Variants in DNAH6 observed in about 807,000 individuals in gnomAD.
DNAH6 encodes the protein axonemal beta dynein heavy chain 6.
In DNAH6, 340 loss-of-function variants were observed where a neutral mutation model predicts 491.4. That is an observed-to-expected ratio of 0.69 (90% CI 0.63 to 0.76). DNAH6 has a LOEUF of 0.76. DNAH6 is among the 30% of genes least tolerant of loss of function. The probability of loss-of-function intolerance (pLI) is 0.00; values close to 1 mark genes in which losing one functional copy is unlikely to be tolerated. For missense variants in DNAH6, 4,443 were observed against 4,972.2 expected (o/e 0.89, Z 3.20); for synonymous variants, 1,603 against 1,686.1 (o/e 0.95, Z 1.21).
the DNAH6 span, among the ~76,000 whole-genome samples, chr2:84,506,174 A>G: frequency 3.9e-5 from 6 of 152,208 alleles, no homozygotes. Context: ...CAGTCCCACC[A>G]ACAGTGTAAA....
chr2:84,653,290 C>A (rs1690633248), intron 33 of DNAH6, 29 bp from the exon 34 acceptor site: 4 of 1,449,192 alleles, frequency 2.8e-6, no homozygotes, highest in South Asian at 2.9e-5. Context: ...ACCAGTTGTT[C>A]CTAATTGATT....
chr2:84,567,787 A>C (rs916938843), intron 11 of DNAH6, among the ~76,000 whole-genome samples: 1 of 152,194 alleles, frequency 6.6e-6, no homozygotes, highest in African/African-American at 2.4e-5. Context: ...AAAAGCAAAA[A>C]TTGACAAATG....
At chr2:84,492,090 A>G in the DNAH6 span, among the ~76,000 whole-genome samples, 2 of 152,238 alleles carry the variant, frequency 1.3e-5, no homozygotes, top group Non-Finnish European at 2.9e-5. Flanking sequence ...TAATTTTAAA[A>G]TAGACCCCAT....
intron 49 of DNAH6, among the ~76,000 whole-genome samples, chr2:84,702,151 G>A (rs752063484): frequency 2.0e-5 from 3 of 152,166 alleles, no homozygotes; most frequent in Admixed American, 6.5e-5. Flanking sequence ...GCAAGGACTG[G>A]GGTATCAGCC....
At chr2:84,474,793 C>T in the DNAH6 span, among the ~76,000 whole-genome samples, 714 of 152,292 alleles carry the variant, frequency 4.7e-3, 12 homozygotes, top group East Asian at 0.066. Context: ...GGCCAATGCT[C>T]GGGCCATTGG....
At chr2:84,726,743 T>A (rs1698673206) in intron 60 of DNAH6, among the ~76,000 whole-genome samples, 1 of 151,952 alleles carries the variant, frequency 6.6e-6, no homozygotes, top group African/African-American at 2.4e-5. Flanking sequence ...CTGCACATTG[T>A]GCACATGTAC....
At chr2:84,784,312 G>A (rs1006938746) in intron 65 of DNAH6, among the ~76,000 whole-genome samples, 2 of 152,018 alleles carry the variant, frequency 1.3e-5, no homozygotes, top group African/African-American at 4.8e-5. Flanking sequence ...TCTCAGTAGG[G>A]GTTTTTGGCC....
chr2:84,705,763 T>C lies in DNAH6; in HGVS notation c.8727+16T>C, dbSNP rs1696368366. 3 of 1,532,784 alleles carry C rather than the reference T, an allele frequency of 2.0e-6. No individual in the cohort carries two copies. The highest frequency in any genetic ancestry group is 1.4e-5 in the African/African-American group (1 of 71,606). The allele number at this position is 1,532,784 out of a possible 1,614,324, so 94.9% of individuals were successfully genotyped here. A position where few individuals can be genotyped will look rare whatever the true frequency, so the allele number is the denominator to read the frequency against. On this transcript the variant is annotated intron_variant, in intron 52 of 76. Transcript: ENST00000389394. ...CGCCGCACAGGTACATTTTCTGTATTGTGATATTTTATAGAATTGAAGGCC... is the reference window on the plus strand; with the variant it reads ...CGCCGCACAGGTACATTTTCTGTATCGTGATATTTTATAGAATTGAAGGCC...
chr2:84,732,807 A>G (rs150037526), intron 61 of DNAH6, among the ~76,000 whole-genome samples: 89 of 152,368 alleles, frequency 5.8e-4, no homozygotes, highest in African/African-American at 2.0e-3. Context: ...GCTTTTAATT[A>G]TAGTAAGGAA....
chr2:84,770,439 T>G (rs1010056318), intron 64 of DNAH6, among the ~76,000 whole-genome samples: 1 of 152,002 alleles, frequency 6.6e-6, no homozygotes, highest in Non-Finnish European at 1.5e-5. Context: ...CTCATACAGT[T>G]AAAGGAAACA....
intron 2 of DNAH6, among the ~76,000 whole-genome samples, chr2:84,522,457 C>T (rs1445553150): frequency 6.6e-6 from 1 of 152,044 alleles, no homozygotes; most frequent in Admixed American, 6.5e-5. Flanking sequence ...TATTTTGATG[C>T]CCCTTATTTC....
intron 11 of DNAH6, among the ~76,000 whole-genome samples, chr2:84,570,121 G>GCCTT (rs1681624162): frequency 1.3e-5 from 2 of 151,812 alleles, no homozygotes; most frequent in South Asian, 4.2e-4. Context: ...CAAGGGGTGG[G>GCCTT]GTAGGATAGT....
rs1183852281 is a variant in DNAH6 at position 84,727,697 on chromosome 2, T to C, written c.10001T>C (p.Val3334Ala). ...TTCAATACCACCATTGAAACTTCTG[T>C]AAAGACAGAAAATCTACAACAGCGC... ...QLFNTTIETSVKTENLQQRLD... is the reference protein window; with the variant it reads ...QLFNTTIETSAKTENLQQRLD... The change falls in exon 61 of 77, where the codon GTA becomes GCA. Residue 3334 changes from valine to alanine, a missense_variant. Physicochemically the swap from Val to Ala is moderately conservative, Grantham distance 64 (BLOSUM62 0). Coordinates refer to ENST00000389394, the MANE Select transcript of DNAH6 (RefSeq NM_001370.2). The C allele has an allele frequency of 1.9e-6, 3 of 1,551,008 alleles. No homozygotes were observed. The highest frequency in any genetic ancestry group is 2.0e-5 in the Admixed American group (1 of 51,006).
chr2:84,800,362 T>C (rs1678774434), intron 70 of DNAH6, among the ~76,000 whole-genome samples: 1 of 152,184 alleles, frequency 6.6e-6, no homozygotes, highest in Non-Finnish European at 1.5e-5. Context: ...GAGTGCTTTG[T>C]TACCTCCAAA....
chr2:84,773,682 C>G (rs185305894), intron 64 of DNAH6, among the ~76,000 whole-genome samples: 134 of 152,058 alleles, frequency 8.8e-4, no homozygotes, highest in Non-Finnish European at 4.4e-4. Context: ...ACATTGTGAA[C>G]AAATGCACAG....
chr2:84,558,369 A>G (rs1157322622), intron 11 of DNAH6, among the ~76,000 whole-genome samples: 1 of 151,274 alleles, frequency 6.6e-6, no homozygotes, highest in African/African-American at 2.4e-5. Flanking sequence ...ACTTGCAGTG[A>G]GCCGAGATCG....
the DNAH6 span, among the ~76,000 whole-genome samples, chr2:84,494,141 T>C: frequency 6.6e-6 from 1 of 152,068 alleles, no homozygotes; most frequent in African/African-American, 2.4e-5. Context: ...GAGAAGGGGA[T>C]TGGGGACAAG....
intron 10 of DNAH6, among the ~76,000 whole-genome samples, chr2:84,555,935 T>C (rs1679975942): frequency 6.6e-6 from 1 of 152,166 alleles, no homozygotes; most frequent in African/African-American, 2.4e-5. Context: ...TCTTCTGGCC[T>C]CCTGAAATAG....
At position 84,699,674 on chromosome 2, in the gene DNAH6, G is replaced by A; in HGVS notation, c.7758G>A (p.Arg2586=). 1 of 1,551,778 alleles carries A rather than the reference G, an allele frequency of 6.4e-7. No individual in the cohort carries two copies. The highest frequency in any genetic ancestry group is 8.7e-7 in the Non-Finnish European group (1 of 1,147,002). Residue 2586 remains arginine, a synonymous_variant, in exon 48 of 77, where the codon CGG becomes CGA. Coordinates refer to ENST00000389394, the MANE Select transcript of DNAH6 (RefSeq NM_001370.2). ...LCMSPVGEAF[R]SRCRMFPSLV... Reference sequence around the variant, plus strand: ...TGAGCCCAGTTGGGGAGGCCTTTCGGTCCCGATGCAGGATGTTTCCATCCC... The same window carrying A: ...TGAGCCCAGTTGGGGAGGCCTTTCGATCCCGATGCAGGATGTTTCCATCCC...
Sources: gnomAD v4.1 joint callset for allele counts (sites outside exome capture counted in the v4.1 genomes callset) on GRCh38, gnomAD v4.1.1 for gene constraint, MANE v1.5 for transcripts, NCBI Gene and HGNC (gene_info 2026-07-23, HGNC 2026-07-21) for gene names.